Variants in DRC9 observed in about 807,000 individuals in gnomAD.
DRC9 encodes dynein regulatory complex subunit 9.
At chr3:197,948,674 G>A in the DRC9 span, among the ~76,000 whole-genome samples, 1 of 152,206 alleles carries the variant, frequency 6.6e-6, no homozygotes, top group Non-Finnish European at 1.5e-5. Flanking sequence ...GGGTGGGGTA[G>A]TAGGCTACAA....
the DRC9 span, chr3:197,950,984 C>G: frequency 1.2e-6 from 2 of 1,613,300 alleles, no homozygotes; most frequent in Admixed American, 1.7e-5. Context: ...GGAAGGTACG[C>G]GTTTTAAATA....
chr3:197,960,171 C>A, the DRC9 span: 1 of 1,504,960 alleles, frequency 6.6e-7, no homozygotes, highest in Non-Finnish European at 9.0e-7. Context: ...TCCGTCTACC[C>A]CCAGCGGCGA....
At chr3:197,959,827 T>C in the DRC9 span, 2 of 186,814 alleles carry the variant, frequency 1.1e-5, no homozygotes, top group Non-Finnish European at 2.2e-5. Flanking sequence ...GATAAGTAAA[T>C]GAAAGTATTC....
At chr3:197,917,537 G>A in the DRC9 span, among the ~76,000 whole-genome samples, 1 of 152,134 alleles carries the variant, frequency 6.6e-6, no homozygotes, top group Non-Finnish European at 1.5e-5. Context: ...TAGGATTGCA[G>A]GCAAATTACT....
chr3:197,948,224 C>T, the DRC9 span, among the ~76,000 whole-genome samples: 39 of 152,272 alleles, frequency 2.6e-4, no homozygotes, highest in Non-Finnish European at 4.6e-4. Flanking sequence ...TGAGCCACTG[C>T]GCCCGGCCCA....
At chr3:197,954,079 A>G in the DRC9 span, 2 of 1,614,060 alleles carry the variant, frequency 1.2e-6, no homozygotes, top group African/African-American at 1.3e-5. Context: ...CCATGGAAAC[A>G]GTGGCATGGT....
At chr3:197,889,604 A>G in the DRC9 span, 1 of 1,614,194 alleles carries the variant, frequency 6.2e-7, no homozygotes. Context: ...CTCTCCTCTT[A>G]TCCTTGCCTT....
At chr3:197,929,552 A>C in the DRC9 span, among the ~76,000 whole-genome samples, 3 of 152,302 alleles carry the variant, frequency 2.0e-5, no homozygotes, top group East Asian at 5.8e-4. This position sits in a 1 kb window ranked among gnomAD's most constrained non-coding sequence, Gnocchi z 4.6. Flanking sequence ...TGGAAGGATC[A>C]CTTGAGGCCA....
At chr3:197,957,458 GTTT>G in the DRC9 span, 49 of 129,816 alleles carry the variant, frequency 3.8e-4, no homozygotes, top group South Asian at 1.2e-3. Context: ...GATTGTGGTG[GTTT>G]TTTTTTTTTT....
chr3:197,899,075 G>T, the DRC9 span, among the ~76,000 whole-genome samples: 1 of 152,076 alleles, frequency 6.6e-6, no homozygotes, highest in Non-Finnish European at 1.5e-5. Flanking sequence ...TTATTTTCTA[G>T]GGAGACGTAA....
the DRC9 span, among the ~76,000 whole-genome samples, chr3:197,952,867 C>G: frequency 6.6e-6 from 1 of 150,984 alleles, no homozygotes; most frequent in Non-Finnish European, 1.5e-5. Flanking sequence ...AAGTGTTGCT[C>G]TGTTGCCCAG....
the DRC9 span, among the ~76,000 whole-genome samples, chr3:197,919,464 C>G: frequency 1.3e-5 from 2 of 152,178 alleles, no homozygotes; most frequent in African/African-American, 4.8e-5. Flanking sequence ...ACCTCGAATC[C>G]GAGTTGTCCA....
At chr3:197,889,798 A>C in the DRC9 span, 1 of 1,498,498 alleles carries the variant, frequency 6.7e-7, no homozygotes. Flanking sequence ...TGTTGAATAA[A>C]GTAACTTCTG....
At chr3:197,950,849 A>G in the DRC9 span, 11 of 1,229,566 alleles carry the variant, frequency 8.9e-6, no homozygotes, top group East Asian at 2.3e-4. Flanking sequence ...ATCCAAAAGG[A>G]ATTTGCTTTA....
the DRC9 span, among the ~76,000 whole-genome samples, chr3:197,919,496 T>C: frequency 2.6e-5 from 4 of 152,206 alleles, no homozygotes; most frequent in Admixed American, 1.3e-4. Flanking sequence ...ACCTTCCTCG[T>C]GGTCAGGTCC....
chr3:197,923,243 C>G, the DRC9 span, among the ~76,000 whole-genome samples: 13 of 152,186 alleles, frequency 8.5e-5, no homozygotes, highest in Non-Finnish European at 1.3e-4. Context: ...CTTAGCCTCC[C>G]ACGCAGTTAG....
At chr3:197,916,706 G>A in the DRC9 span, among the ~76,000 whole-genome samples, 1 of 152,012 alleles carries the variant, frequency 6.6e-6, no homozygotes, top group Non-Finnish European at 1.5e-5. Flanking sequence ...AGCCTCCCAA[G>A]TACCTAGGGA....
the DRC9 span, among the ~76,000 whole-genome samples, chr3:197,952,162 GTTTTTTTTTTTT>G: frequency 9.5e-5 from 8 of 83,860 alleles, no homozygotes; most frequent in Admixed American, 1.4e-4. Flanking sequence ...AAAATTATGG[GTTTTTTTTTTTT>G]TTTTTTTTTT....
At chr3:197,951,009 T>A in the DRC9 span, 5 of 1,610,674 alleles carry the variant, frequency 3.1e-6, no homozygotes, top group Non-Finnish European at 4.2e-6. Context: ...TCTTTATTTT[T>A]GTGTGTTAGA....
Sources: gnomAD v4.1 joint callset for allele counts (sites outside exome capture counted in the v4.1 genomes callset) on GRCh38, gnomAD v4.1.1 for gene constraint, Gnocchi (gnomAD v3.1) non-coding constraint, MANE v1.5 for transcripts, NCBI Gene and HGNC (gene_info 2026-07-23, HGNC 2026-07-21) for gene names.